Variants in FHIT observed in about 807,000 individuals in gnomAD.
FHIT encodes the protein bis(5'-adenosyl)-triphosphatase.
A neutral mutation model predicts 17.9 loss-of-function variants in FHIT; 19 were observed. That is an observed-to-expected ratio of 1.06 (90% CI 0.74 to 1.56). The LOEUF (loss-of-function observed/expected upper bound fraction) is 1.56. Among genes scored for constraint, FHIT ranks in the 40% most tolerant of loss-of-function variants. FHIT has a pLI of 0.00. For missense variants in FHIT, 248 were observed against 189.2 expected (o/e 1.31, Z -1.82); for synonymous variants, 81 against 69.7 (o/e 1.16, Z -0.81).
rs946208540 is a variant in FHIT, at chr3:60,999,785, A to G, written c.-111+42262T>C. The stretch of plus-strand genomic sequence containing the variant: ...TAATGAAGATGGGGTGCCTTAGCGC[A>G]TTCTGGCAGTTGTAAAAAATATCAT... On this transcript the variant is annotated intron_variant, in intron 3 of 9. Transcript: ENST00000492590. Among the ~76,000 whole-genome samples, 6 of 152,204 alleles carry G rather than the reference A, an allele frequency of 3.9e-5. 1 individual carries two copies. In the South Asian group the frequency reaches 1.2e-3, roughly 32 times the overall value.
intron 5 of FHIT, among the ~76,000 whole-genome samples, chr3:60,467,210 G>C (rs2032846722): frequency 1.3e-5 from 2 of 151,384 alleles, no homozygotes; most frequent in South Asian, 4.2e-4. Flanking sequence ...CAATTGTAAT[G>C]TCTCCTTTTT....
At chr3:60,775,602 C>G (rs911652806) in intron 4 of FHIT, among the ~76,000 whole-genome samples, 1 of 152,168 alleles carries the variant, frequency 6.6e-6, no homozygotes, top group Admixed American at 6.5e-5. Flanking sequence ...TTTAACTGAA[C>G]TATGGAAAAG....
At chr3:60,488,009 G>A (rs1045570579) in intron 5 of FHIT, among the ~76,000 whole-genome samples, 43 of 152,306 alleles carry the variant, frequency 2.8e-4, no homozygotes, top group African/African-American at 9.9e-4. Flanking sequence ...GACCATCTGT[G>A]AAGCCAACAT....
chr3:61,197,323 G>A (rs2038879937), intron 2 of FHIT, among the ~76,000 whole-genome samples: 1 of 152,154 alleles, frequency 6.6e-6, no homozygotes, highest in African/African-American at 2.4e-5. Flanking sequence ...AGAAAGTTAG[G>A]AATCTTGCAC....
At chr3:60,396,779 A>C (rs1701458421) in intron 5 of FHIT, among the ~76,000 whole-genome samples, 1 of 152,144 alleles carries the variant, frequency 6.6e-6, no homozygotes, top group Non-Finnish European at 1.5e-5. Flanking sequence ...TAAAATGATT[A>C]ATTTTCTATT....
chr3:60,875,839 A>T (rs1704625782), intron 3 of FHIT, among the ~76,000 whole-genome samples: 1 of 152,094 alleles, frequency 6.6e-6, no homozygotes, highest in African/African-American at 2.4e-5. Flanking sequence ...TAAGTAGCAG[A>T]CATAGAATTG....
chr3:61,015,868 C>T (rs183343117), intron 3 of FHIT, among the ~76,000 whole-genome samples: 66 of 152,278 alleles, frequency 4.3e-4, no homozygotes, highest in African/African-American at 1.5e-3. Flanking sequence ...CAAGGACTGG[C>T]ACATGTCAAA....
intron 5 of FHIT, among the ~76,000 whole-genome samples, chr3:60,365,751 A>G (rs1298078241): frequency 6.6e-6 from 1 of 152,188 alleles, no homozygotes; most frequent in Non-Finnish European, 1.5e-5. Context: ...GTTTCTCAGA[A>G]AGTCAACTCC....
chr3:60,168,152 C>T (rs749685242), intron 5 of FHIT, among the ~76,000 whole-genome samples: 5 of 152,164 alleles, frequency 3.3e-5, no homozygotes, highest in Non-Finnish European at 7.3e-5. Flanking sequence ...AACTCCTAGT[C>T]AGTACACAGA....
At chr3:60,338,060 C>A (rs1027728980) in intron 5 of FHIT, among the ~76,000 whole-genome samples, 2 of 151,992 alleles carry the variant, frequency 1.3e-5, no homozygotes, top group Non-Finnish European at 2.9e-5. Flanking sequence ...TATGTAGAGA[C>A]CTTGAGAGAA....
At chr3:61,206,334 G>A (rs2039228967) in intron 1 of FHIT, among the ~76,000 whole-genome samples, 1 of 135,572 alleles carries the variant, frequency 7.4e-6, no homozygotes, top group South Asian at 2.6e-4. Context: ...CTTTAAAGTA[G>A]TTTTTTCCAA....
At chr3:60,156,239 A>G (rs553191507) in intron 5 of FHIT, among the ~76,000 whole-genome samples, 1 of 151,634 alleles carries the variant, frequency 6.6e-6, no homozygotes, top group Admixed American at 6.6e-5. Context: ...AATCCCAGCT[A>G]CTCAGGAGGC....
At chr3:61,042,866 T>A (rs2033588433) in intron 2 of FHIT, among the ~76,000 whole-genome samples, 1 of 152,100 alleles carries the variant, frequency 6.6e-6, no homozygotes, top group Non-Finnish European at 1.5e-5. Flanking sequence ...AAACACTTTT[T>A]TTTAAAAAGT....
At chr3:61,235,267 TGG>T (rs1200770736) in intron 1 of FHIT, among the ~76,000 whole-genome samples, 1 of 152,198 alleles carries the variant, frequency 6.6e-6, no homozygotes, top group Non-Finnish European at 1.5e-5. Context: ...ACTTGCCAAC[TGG>T]GTGTCCTTGA....
At chr3:60,596,486 A>C (rs541029554) in intron 4 of FHIT, among the ~76,000 whole-genome samples, 1 of 152,120 alleles carries the variant, frequency 6.6e-6, no homozygotes, top group East Asian at 1.9e-4. Flanking sequence ...AACATGACCT[A>C]ATCTCCAAAA....
At chr3:61,049,233 CCAATG>C (rs1559940605) in intron 2 of FHIT, among the ~76,000 whole-genome samples, 1 of 149,626 alleles carries the variant, frequency 6.7e-6, no homozygotes, top group Non-Finnish European at 1.5e-5. Flanking sequence ...TAGTTGGTAA[CCAATG>C]TTACCAAATA....
intron 5 of FHIT, among the ~76,000 whole-genome samples, chr3:60,353,388 G>A (rs1699505355): frequency 6.6e-6 from 1 of 152,134 alleles, no homozygotes; most frequent in Non-Finnish European, 1.5e-5. Flanking sequence ...GCTCTGCCCA[G>A]TAGAGGGTCT....
At chr3:60,540,749 G>T (rs2107606301) in intron 4 of FHIT, among the ~76,000 whole-genome samples, 1 of 152,246 alleles carries the variant, frequency 6.6e-6, no homozygotes, top group South Asian at 2.1e-4. Flanking sequence ...AGAGAGCTGT[G>T]CAAATGTCAC....
intron 8 of FHIT, among the ~76,000 whole-genome samples, chr3:59,862,401 T>G (rs956499346): frequency 6.6e-6 from 1 of 151,874 alleles, no homozygotes; most frequent in Non-Finnish European, 1.5e-5. Flanking sequence ...TGAGATGAGA[T>G]TTGGGTGGGA....
Sources: gnomAD v4.1 joint callset for allele counts (sites outside exome capture counted in the v4.1 genomes callset) on GRCh38, gnomAD v4.1.1 for gene constraint, MANE v1.5 for transcripts, NCBI Gene and HGNC (gene_info 2026-07-23, HGNC 2026-07-21) for gene names.